The following SPEF2 variants were observed in gnomAD, a reference collection of about 807,000 sequenced individuals.
SPEF2 encodes sperm flagellar and cilia associated 2, also known as sperm flagella and cilia-associated protein 2.
Under a neutral mutation model 224.6 loss-of-function variants are expected in SPEF2, and 187 were observed. That is an observed-to-expected ratio of 0.83 (90% CI 0.74 to 0.94). SPEF2 has a LOEUF of 0.94. Among genes scored for constraint, SPEF2 ranks in the 40% least tolerant of loss-of-function variants. The pLI, the probability that SPEF2 is intolerant of heterozygous loss-of-function variation, is 0.00. For missense variants in SPEF2, 2,170 were observed against 2,135.6 expected, an observed-to-expected ratio of 1.02 and a Z score of -0.32; for synonymous variants, 715 against 707.3, an observed-to-expected ratio of 1.01 and a Z score of -0.17.
chr5:35,781,619 C>A (rs1754350238), intron 30 of SPEF2: 1 of 152,028 alleles, frequency 6.6e-6, no homozygotes, highest in South Asian at 2.1e-4. Flanking sequence ...AACCCATATG[C>A]AAGAATAACA....
At chr5:35,618,080 G>T in intron 1 of SPEF2, 25 bp downstream of exon 1, 1 of 1,571,138 alleles carries the variant, frequency 6.4e-7, no homozygotes, top group Non-Finnish European at 8.7e-7. Context: ...CCAGGGGCGA[G>T]CGTCTGAGGG....
At chr5:35,702,674 A>C (rs1691698949) in intron 16 of SPEF2, among the ~76,000 whole-genome samples, 1 of 152,170 alleles carries the variant, frequency 6.6e-6, no homozygotes, top group South Asian at 2.1e-4. Flanking sequence ...AGTATAATGC[A>C]ACAAAGACTA....
intron 9 of SPEF2, 148 bp from the exon 10 acceptor site, chr5:35,669,911 A>T: frequency 1.6e-6 from 1 of 610,418 alleles, no homozygotes; most frequent in Admixed American, 3.5e-5. Context: ...TTGTCATTGC[A>T]CATATGGTAA....
intron 26 of SPEF2, 104 bp from the exon 27 acceptor site, chr5:35,771,505 A>T: frequency 7.1e-7 from 1 of 1,402,766 alleles, no homozygotes; most frequent in Non-Finnish European, 9.5e-7. Context: ...ACAATTGTTT[A>T]CAGTGGATTA....
intron 23 of SPEF2, among the ~76,000 whole-genome samples, chr5:35,747,656 C>T (rs768448234): frequency 2.0e-5 from 3 of 152,134 alleles, no homozygotes; most frequent in Non-Finnish European, 4.4e-5. Context: ...CATATATGCA[C>T]CTAACACTGG....
chr5:35,730,931 T>C (rs1012081484), intron 21 of SPEF2, among the ~76,000 whole-genome samples: 1 of 152,184 alleles, frequency 6.6e-6, no homozygotes, highest in Non-Finnish European at 1.5e-5. Context: ...CAGGGCATTT[T>C]ACAGGGGAGA....
Position 35,667,101 on chromosome 5 carries a change from T to C in SPEF2, c.1197T>C (p.Phe399=). The C allele has an allele frequency of 1.2e-6, 2 of 1,608,432 alleles. No homozygotes were observed. The highest frequency in any genetic ancestry group is 1.7e-6 in the Non-Finnish European group (2 of 1,178,502). ...AALAKQAKID[F]EEQFLKEKRF... ...TGGCAAAACAAGCCAAGATTGACTT[T>C]GAAGAACAATTCCTTAAAGAAAAGA... The change falls in exon 9 of 37, where the codon TTT becomes TTC. Residue 399 remains phenylalanine, a synonymous_variant. Transcript: ENST00000356031.
At position 35,753,642 on chromosome 5, in the gene SPEF2, T is replaced by C; in HGVS notation, c.3349T>C (p.Trp1117Arg). The change falls in exon 24 of 37, where the codon TGG becomes CGG. Residue 1117 changes from tryptophan (W) to arginine (R), a missense_variant. Transcript: ENST00000356031. ...QRVNDLRDRL[W>R]DICDARKEEA... ...TGTTCAGGATCTGCGAGACCGCCTGTGGGACATTTGTGATGCCCGGAAGGA... is the reference window on the plus strand; with the variant it reads ...TGTTCAGGATCTGCGAGACCGCCTGCGGGACATTTGTGATGCCCGGAAGGA... 2 of 1,614,158 alleles carry C rather than the reference T, an allele frequency of 1.2e-6. No homozygotes were observed. Among genetic ancestry groups the C allele is most frequent in the Non-Finnish European group, 1.7e-6 (2 of 1,180,008 alleles).
chr5:35,798,008 C>A (rs1293396751), intron 33 of SPEF2, among the ~76,000 whole-genome samples: 4 of 152,142 alleles, frequency 2.6e-5, no homozygotes, highest in Non-Finnish European at 4.4e-5. Context: ...ACTCCACATC[C>A]AATACCTTAG....
chr5:35,669,349 C>T (rs1422245410), intron 9 of SPEF2, among the ~76,000 whole-genome samples: 1 of 152,112 alleles, frequency 6.6e-6, no homozygotes, highest in East Asian at 1.9e-4. Flanking sequence ...TCCCATCACT[C>T]TGTCCTTGTT....
chr5:35,659,528 G>C (rs1232503950), intron 8 of SPEF2, among the ~76,000 whole-genome samples: 1 of 152,062 alleles, frequency 6.6e-6, no homozygotes, highest in African/African-American at 2.4e-5. Context: ...TCTCATGAAG[G>C]GCTCATGGAA....
At chr5:35,699,596 A>G (rs188741076) in intron 15 of SPEF2, 5 of 152,306 alleles carry the variant, frequency 3.3e-5, no homozygotes, top group Non-Finnish European at 1.5e-5. Flanking sequence ...CTTGGGTGGG[A>G]TAGGAAGAGC....
chr5:35,802,095 A>G (rs1330294594), intron 34 of SPEF2, among the ~76,000 whole-genome samples: 1 of 152,228 alleles, frequency 6.6e-6, no homozygotes. Context: ...ATGGAATAAA[A>G]GGCAGATTAA....
intron 23 of SPEF2, among the ~76,000 whole-genome samples, chr5:35,752,862 G>A (rs1749868072): frequency 6.6e-6 from 1 of 151,364 alleles, no homozygotes; most frequent in Non-Finnish European, 1.5e-5. Context: ...AGTGACTTAT[G>A]TTCCGACACA....
At chr5:35,762,883 G>A (rs981903694) in intron 25 of SPEF2, among the ~76,000 whole-genome samples, 2 of 152,180 alleles carry the variant, frequency 1.3e-5, no homozygotes, top group African/African-American at 4.8e-5. Context: ...TTAACTTTGT[G>A]TCCCCACAGC....
intron 8 of SPEF2, 56 bp downstream of exon 8, chr5:35,659,263 A>G: frequency 6.8e-7 from 1 of 1,479,164 alleles, no homozygotes; most frequent in Non-Finnish European, 9.1e-7. Flanking sequence ...TCTTTCTACC[A>G]AGTCGTGGTA....
Position 35,814,449 on chromosome 5 carries a change from A to C in SPEF2, c.5380-15A>C. ...TATTAGTATTTGTAACTTCTCTTTG[A>C]ATCTTTTGTCTTAGGATATTAAAAT... On this transcript the variant is annotated splice_polypyrimidine_tract_variant and intron_variant, in intron 36 of 36. Transcript: ENST00000356031. 6.6e-7 allele frequency: 1 copy of C among 1,507,886 alleles called. No homozygotes were observed. The highest frequency in any genetic ancestry group is 9.1e-7 in the Non-Finnish European group (1 of 1,097,292). The allele number at this position is 1,507,886 out of a possible 1,614,324, so 93.4% of individuals were successfully genotyped here.
At chr5:35,726,530 T>C (rs1271504969) in intron 20 of SPEF2, among the ~76,000 whole-genome samples, 3 of 152,202 alleles carry the variant, frequency 2.0e-5, no homozygotes, top group Non-Finnish European at 4.4e-5. Context: ...TTTTTAAATA[T>C]ATAAGTAGAG....
chr5:35,785,623 C>T (rs1754994849), intron 30 of SPEF2, among the ~76,000 whole-genome samples: 1 of 150,752 alleles, frequency 6.6e-6, no homozygotes, highest in African/African-American at 2.5e-5. Context: ...TGGCTCACTA[C>T]AGCCTCAGCA....
Sources: allele counts gnomAD v4.1 joint callset (sites outside exome capture counted in the v4.1 genomes callset), GRCh38; gene constraint gnomAD v4.1.1; transcripts MANE v1.5; gene names NCBI Gene and HGNC (gene_info 2026-07-23, HGNC 2026-07-21).